The following ZNF652 variants were observed in gnomAD, a reference collection of about 807,000 sequenced individuals.
ZNF652 encodes zinc finger protein 652.
Under a neutral mutation model 45.2 loss-of-function variants are expected in ZNF652, and 16 were observed. The observed-to-expected ratio is 0.35, with a 90% CI of 0.24 to 0.54. ZNF652 has a LOEUF of 0.54. Among genes scored for constraint, ZNF652 ranks in the 20% least tolerant of loss-of-function variants. The pLI, the probability that ZNF652 is intolerant of heterozygous loss-of-function variation, is 0.91. For synonymous variants in ZNF652, 250 were observed against 260.6 expected, an observed-to-expected ratio of 0.96 and a Z score of 0.39; for missense variants, 614 against 765.6, an observed-to-expected ratio of 0.80 and a Z score of 2.34.
At chr17:49,340,139 G>A (rs2070129094) in intron 1 of ZNF652, among the ~76,000 whole-genome samples, 1 of 152,198 alleles carries the variant, frequency 6.6e-6, no homozygotes, top group African/African-American at 2.4e-5. Context: ...TTGGGGCCGG[G>A]TGCAGTGAAT....
intron 1 of ZNF652, among the ~76,000 whole-genome samples, chr17:49,336,942 GTTTTT>G (rs200178711): frequency 4.4e-4 from 51 of 115,148 alleles, no homozygotes; most frequent in African/African-American, 1.1e-3. Context: ...TCTTAATGGT[GTTTTT>G]TTTTTTTTTT....
chr17:49,310,738 C>CA (rs1351115659), intron 5 of ZNF652, among the ~76,000 whole-genome samples: 1 of 152,056 alleles, frequency 6.6e-6, no homozygotes, highest in Non-Finnish European at 1.5e-5. Flanking sequence ...CCTGTCTCTA[C>CA]AAAAAATACA....
intron 1 of ZNF652, among the ~76,000 whole-genome samples, chr17:49,361,591 G>A (rs1403475135): frequency 1.3e-5 from 2 of 152,192 alleles, no homozygotes; most frequent in Non-Finnish European, 2.9e-5. Context: ...CCGCTAACCC[G>A]TGCCGCCCCA....
chr17:49,330,373 A>G (rs1221709078), intron 1 of ZNF652, among the ~76,000 whole-genome samples: 1 of 152,190 alleles, frequency 6.6e-6, no homozygotes, highest in African/African-American at 2.4e-5. Context: ...GCTCACTGCA[A>G]TCTCTACCTA....
intron 1 of ZNF652, among the ~76,000 whole-genome samples, chr17:49,341,801 G>C (rs1238602524): frequency 6.6e-6 from 1 of 152,082 alleles, no homozygotes; most frequent in African/African-American, 2.4e-5. Context: ...AACCACAAAA[G>C]CCCAGGTACT....
At chr17:49,300,127 T>G (rs1217530253) in intron 5 of ZNF652, among the ~76,000 whole-genome samples, 1 of 152,224 alleles carries the variant, frequency 6.6e-6, no homozygotes, top group Non-Finnish European at 1.5e-5. Flanking sequence ...AAATACTGGC[T>G]TAACAAACCT....
chr17:49,307,558 A>T (rs2069648763), intron 5 of ZNF652, among the ~76,000 whole-genome samples: 1 of 146,626 alleles, frequency 6.8e-6, no homozygotes, highest in Non-Finnish European at 1.5e-5. Context: ...TGGCCAACAC[A>T]GTGAAACCCC....
At chr17:49,338,140 G>A (rs987166382) in intron 1 of ZNF652, among the ~76,000 whole-genome samples, 1 of 149,002 alleles carries the variant, frequency 6.7e-6, no homozygotes, top group South Asian at 2.1e-4. Context: ...CACCATGCCT[G>A]GCTAATTTTT....
intron 1 of ZNF652, among the ~76,000 whole-genome samples, chr17:49,348,505 A>G (rs2070233758): frequency 7.6e-6 from 1 of 132,148 alleles, no homozygotes; most frequent in African/African-American, 2.7e-5. Flanking sequence ...AAAAGAAAAG[A>G]AAAGAAAAGA....
chr17:49,313,834 G>A (rs944411373), intron 2 of ZNF652, among the ~76,000 whole-genome samples: 5 of 150,966 alleles, frequency 3.3e-5, no homozygotes, highest in South Asian at 2.1e-4. Context: ...TTAGCCGGGC[G>A]TGGTGGCGCA....
Position 49,291,025 on chromosome 17 carries a change from C to T in ZNF652, c.*7388G>A, listed in dbSNP as rs898485754. 1 of 152,200 alleles carries T rather than the reference C, an allele frequency of 6.6e-6. No individual in the cohort carries two copies. The highest frequency in any genetic ancestry group is 2.4e-5 in the African/African-American group (1 of 41,452). 9.4% of individuals were successfully genotyped at this position (152,200 alleles called of 1,614,324 possible). On this transcript the variant is annotated 3_prime_UTR_variant, in exon 6 of 6. Transcript: ENST00000430262. ...GATTGAGAAGAAATCATCCCATTTTCAGAGGCTACATATATGCCCTTGGGG... is the reference window on the plus strand; with the variant it reads ...GATTGAGAAGAAATCATCCCATTTTTAGAGGCTACATATATGCCCTTGGGG...
At chr17:49,349,772 T>C (rs1200198839) in intron 1 of ZNF652, among the ~76,000 whole-genome samples, 1 of 152,190 alleles carries the variant, frequency 6.6e-6, no homozygotes, top group East Asian at 1.9e-4. Flanking sequence ...TGATAAATCA[T>C]GTTTCTGCAT....
At chr17:49,330,938 G>T (rs539712583) in intron 1 of ZNF652, among the ~76,000 whole-genome samples, 6 of 151,046 alleles carry the variant, frequency 4.0e-5, no homozygotes. Flanking sequence ...TTAGCTGGGC[G>T]TGGTGACACA....
intron 1 of ZNF652, among the ~76,000 whole-genome samples, chr17:49,358,728 T>C (rs530649083): frequency 6.6e-6 from 1 of 152,268 alleles, no homozygotes; most frequent in South Asian, 2.1e-4. Flanking sequence ...TTACTTCCCA[T>C]ACTTAGAACA....
intron 5 of ZNF652, among the ~76,000 whole-genome samples, chr17:49,304,072 T>TTTTC (rs1384116597): frequency 1.4e-5 from 2 of 147,320 alleles, no homozygotes; most frequent in Non-Finnish European, 3.0e-5. Context: ...TTTTTTTTTT[T>TTTTC]TGTATTTTTA....
At chr17:49,313,083 T>C (rs1290922270) in intron 2 of ZNF652, among the ~76,000 whole-genome samples, 1 of 152,172 alleles carries the variant, frequency 6.6e-6, no homozygotes, top group Non-Finnish European at 1.5e-5. Flanking sequence ...AGACAAAAAG[T>C]GGAAAGTTCC....
chr17:49,357,068 G>A (rs947504466), intron 1 of ZNF652, among the ~76,000 whole-genome samples: 3 of 151,646 alleles, frequency 2.0e-5, no homozygotes, highest in Admixed American at 6.6e-5. Flanking sequence ...GGAGGCTGAC[G>A]TGGGCAGATC....
rs1598278865 is a variant in ZNF652 at position 49,297,660 on chromosome 17, G to A, written c.*753C>T. ...GAAGCACCTTTTGAGTTGTACGGAT[G>A]TAAGAATAGCTTTGAATTATAGAAG... On this transcript the variant is annotated 3_prime_UTR_variant, in exon 6 of 6. Coordinates refer to ENST00000430262, the MANE Select transcript of ZNF652 (RefSeq NM_001145365.3). 6.6e-6 allele frequency: 1 copy of A among 152,614 alleles called. No individual in the cohort carries two copies. Among genetic ancestry groups the A allele is most frequent in the African/African-American group, 2.4e-5 (1 of 41,442 alleles). 9.5% of individuals were successfully genotyped at this position (152,614 alleles called of 1,614,324 possible). A position where few individuals can be genotyped will look rare whatever the true frequency, so the allele number is the denominator to read the frequency against.
At chr17:49,312,923 G>A in intron 2 of ZNF652, 78 bp from the exon 3 acceptor site, 1 of 1,445,738 alleles carries the variant, frequency 6.9e-7, no homozygotes, top group Non-Finnish European at 9.4e-7. Context: ...CCAAACGGAT[G>A]TGCTTTAGGT....
Sources: gnomAD v4.1 joint callset for allele counts (sites outside exome capture counted in the v4.1 genomes callset) on GRCh38, gnomAD v4.1.1 for gene constraint, MANE v1.5 for transcripts, NCBI Gene and HGNC (gene_info 2026-07-23, HGNC 2026-07-21) for gene names.